Variants in MMRN2 observed in about 807,000 individuals in gnomAD.
MMRN2 encodes the protein multimerin 2.
In MMRN2, 53 loss-of-function variants were observed where a neutral mutation model predicts 68.8. That is an observed-to-expected ratio of 0.77 (90% confidence interval 0.62 to 0.97). The LOEUF (loss-of-function observed/expected upper bound fraction) is 0.97, where lower values mean the gene tolerates loss of function less well. Among genes scored for constraint, MMRN2 ranks in the 50% least tolerant of loss-of-function variants. The pLI, the probability that MMRN2 is intolerant of heterozygous loss-of-function variation, is 0.00. For synonymous variants in MMRN2, 564 were observed against 551.6 expected, an observed-to-expected ratio of 1.02 and a Z score of -0.32; for missense variants, 1,266 against 1,259.5, an observed-to-expected ratio of 1.01 and a Z score of -0.08.
rs745861186 is a variant in MMRN2, at chr10:86,945,201, G to A, written c.468C>T (p.Val156=). Residue 156 remains valine (V), a synonymous_variant, in exon 4 of 7, where the codon GTC becomes GTT. Transcript: ENST00000372027. ...AAAGCAACACACCAGGTTTGAAGCT[G>A]ACTGGTCCATCCTGAGGTTCCTGGT... The part of the protein sequence containing the change: ...DSHQEPQDGP[V]SFKPGHLAAV... 16 of 1,613,786 alleles carry A rather than the reference G, an allele frequency of 9.9e-6. No individual in the cohort carries two copies. Among genetic ancestry groups the A allele is most frequent in the Admixed American group, 6.7e-5 (4 of 60,030 alleles).
intron 6 of MMRN2, among the ~76,000 whole-genome samples, chr10:86,939,210 T>TC (rs1190048305): frequency 3.3e-4 from 48 of 145,892 alleles, no homozygotes; most frequent in African/African-American, 9.9e-4. Context: ...ACGCCTGTAA[T>TC]CCCAGCACTT....
chr10:86,942,506 C>T lies in MMRN2; in HGVS notation c.2278G>A (p.Gly760Arg). ...AGGCTGACGTTGGCTTCCATGAGCC[C>T]TTGGAAGTTCCCAAAGAGGCTGTGG... ...LFHSLFGNFQ[G>R]LMEANVSLDL... is the part of the protein sequence containing the mutation. Residue 760 changes from glycine (G) to arginine (R), a missense_variant, in exon 6 of 7, where the codon GGG becomes AGG. Gly to Arg is a moderately radical substitution (Grantham distance 125, BLOSUM62 -2). Transcript: ENST00000372027. 6.2e-7 allele frequency: 1 copy of T among 1,614,010 alleles called. No individual in the cohort carries two copies. The highest frequency in any genetic ancestry group is 8.5e-7 in the Non-Finnish European group (1 of 1,180,012).
rs911565572 is a variant in MMRN2, at chr10:86,937,379, A to AT, written c.2468-255dup. Among the ~76,000 whole-genome samples, 98 of 148,546 alleles carry AT rather than the reference A, an allele frequency of 6.6e-4. 1 individual carries two copies. The highest frequency in any genetic ancestry group is 4.5e-3 in the East Asian group (23 of 5,082). On this transcript the variant is annotated intron_variant, in intron 6 of 6. Coordinates refer to ENST00000372027, the MANE Select transcript of MMRN2 (RefSeq NM_024756.3). ...GTGTACATTTTAACAAAATACTTTC[A>AT]TTTTTTTTTTAGACAGGGACTCACT... is the stretch of plus-strand genomic sequence containing the variant.
In MMRN2 at chr10:86,944,242, C is replaced by A; in HGVS notation, c.655+20G>T. On this transcript the variant is annotated intron_variant, in intron 5 of 6. Coordinates refer to ENST00000372027, the MANE Select transcript of MMRN2 (RefSeq NM_024756.3). ...CAATGTGACCAGGCTCTTCCTCAGC[C>A]CCTAGAGCCTGCCACTCACCGTGCC... 6.3e-7 allele frequency: 1 copy of A among 1,599,600 alleles called. No individual in the cohort carries two copies. Among genetic ancestry groups the A allele is most frequent in the South Asian group, 1.1e-5 (1 of 89,778 alleles).
At chr10:86,940,693 C>G (rs1240410152) in intron 6 of MMRN2, among the ~76,000 whole-genome samples, 1 of 152,232 alleles carries the variant, frequency 6.6e-6, no homozygotes, top group African/African-American at 2.4e-5. Flanking sequence ...GGAGGGTCAG[C>G]TGGGGCAGGG....
chr10:86,955,652 C>A (rs1844211389), intron 1 of MMRN2, among the ~76,000 whole-genome samples: 1 of 152,216 alleles, frequency 6.6e-6, no homozygotes, highest in Non-Finnish European at 1.5e-5. Flanking sequence ...GGGTCTGGAG[C>A]ACGCTTCCAC....
chr10:86,939,839 TTGTGTGTG>T (rs1179394300), intron 6 of MMRN2, among the ~76,000 whole-genome samples: 2 of 120,290 alleles, frequency 1.7e-5, no homozygotes, highest in Non-Finnish European at 3.8e-5. Context: ...GTGTGTGTGT[TTGTGTGTG>T]TGTGTGTGTG....
At chr10:86,944,610 C>T in intron 4 of MMRN2, 175 bp from the exon 5 acceptor site, 2 of 617,844 alleles carry the variant, frequency 3.2e-6, no homozygotes, top group African/African-American at 1.8e-5. Context: ...CAAGTGAGCC[C>T]TCACCCTGCC....
chr10:86,944,394 C>G lies in MMRN2; in HGVS notation c.523G>C (p.Glu175Gln). The G allele has an allele frequency of 1.2e-6, 2 of 1,613,948 alleles. No individual in the cohort carries two copies. Among genetic ancestry groups the G allele is most frequent in the Non-Finnish European group, 1.7e-6 (2 of 1,180,014 alleles). ...AVINEVEVQQ[E>Q]QQEHLLGDLQ... ...TCTCCCAGCAGATGTTCCTGCTGTTCCTGTTGCACCTCAACCTCATTGATC... is the reference window on the plus strand; with the variant it reads ...TCTCCCAGCAGATGTTCCTGCTGTTGCTGTTGCACCTCAACCTCATTGATC... Residue 175 changes from glutamate to glutamine, a missense_variant, in exon 5 of 7, where the codon GAA becomes CAA. By Grantham distance (29) the Glu-to-Gln change is conservative. Transcript: ENST00000372027.
Position 86,944,047 on chromosome 10 carries a change from C to A in MMRN2, c.737G>T (p.Arg246Met). ...GCTGTGCAGGCTTTGGTTAAAGCTC[C>A]TCCAGATGGGGCTGAAATGCACTTG... ...FLQVHFSPIW[R>M]SFNQSLHSLT... The change falls in exon 6 of 7, where the codon AGG (arginine) becomes ATG (methionine). Residue 246 changes from arginine to methionine, a missense_variant. Arg to Met is a moderately conservative substitution (Grantham distance 91). Coordinates refer to ENST00000372027, the MANE Select transcript of MMRN2 (RefSeq NM_024756.3). 1 of 1,614,158 alleles carries A rather than the reference C, an allele frequency of 6.2e-7. No individual in the cohort carries two copies.
Position 86,942,821 on chromosome 10 carries a change from A to G in MMRN2, c.1963T>C (p.Trp655Arg). 1 of 1,363,864 alleles carries G rather than the reference A, an allele frequency of 7.3e-7. No individual in the cohort carries two copies. Among genetic ancestry groups the G allele is most frequent in the Non-Finnish European group, 9.4e-7 (1 of 1,059,874 alleles). The allele number at this position is 1,363,864 out of a possible 1,614,324, so 84.5% of individuals were successfully genotyped here. A position where few individuals can be genotyped will look rare whatever the true frequency, so the allele number is the denominator to read the frequency against. The change falls in exon 6 of 7, where the codon TGG (tryptophan) becomes CGG (arginine). Residue 655 changes from tryptophan (W) to arginine (R), a missense_variant. Transcript: ENST00000372027. Reference sequence around the variant, plus strand: ...GTCACTCGGGCGGCCAGCTCGTCCCAGCCGAGCGCCTGCTCCTGCAGCCCG... The same window carrying G: ...GTCACTCGGGCGGCCAGCTCGTCCCGGCCGAGCGCCTGCTCCTGCAGCCCG... ...ASGLQEQALG[W>R]DELAARVTAL...
intron 1 of MMRN2, chr10:86,949,176 C>T (rs899634195): frequency 1.3e-5 from 2 of 152,156 alleles, no homozygotes; most frequent in Non-Finnish European, 2.9e-5. Context: ...CTTTGAACCT[C>T]TCAACAGCAA....
At chr10:86,944,748 A>G (rs571495878) in intron 4 of MMRN2, among the ~76,000 whole-genome samples, 36 of 151,864 alleles carry the variant, frequency 2.4e-4, no homozygotes, top group Admixed American at 6.6e-4. Flanking sequence ...AATGAAACTC[A>G]TTTACTTTCT....
intron 1 of MMRN2, 45 bp from the exon 2 acceptor site, chr10:86,945,734 T>C (rs1844057815): frequency 1.2e-6 from 2 of 1,612,610 alleles, no homozygotes; most frequent in Non-Finnish European, 1.7e-6. Context: ...CACACCCAGG[T>C]CAACAGGGGG....
At chr10:86,948,120 G>A (rs1020057906) in intron 1 of MMRN2, among the ~76,000 whole-genome samples, 4 of 151,976 alleles carry the variant, frequency 2.6e-5, no homozygotes, top group African/African-American at 9.7e-5. Context: ...CAGCTATTCA[G>A]GAGGCTGAGG....
At position 86,943,167 on chromosome 10, in the gene MMRN2, G is replaced by A. The variant is rs1166816661; in HGVS notation, c.1617C>T (p.Ala539=). The stretch of plus-strand genomic sequence containing the variant: ...CCACGGCCAGCGACACGGCGTCCAC[G>A]GCGTTCTGCAGGGCCTGCAGGGAGG... ...DGSSLQALQN[A]VDAVSLAVDA... Residue 539 remains alanine (A), a synonymous_variant, in exon 6 of 7, where the codon GCC becomes GCT. Transcript: ENST00000372027. This position sits in a 1 kb window ranked among gnomAD's most constrained non-coding sequence, Gnocchi z 4.2. The A allele has an allele frequency of 7.5e-6, 12 of 1,604,992 alleles. No homozygotes were observed. The East Asian group carries it at 9.0e-5, about 12-fold the overall frequency.
Position 86,944,034 on chromosome 10 carries a change from T to A in MMRN2, c.750A>T (p.Gln250His). 1 of 1,614,044 alleles carries A rather than the reference T, an allele frequency of 6.2e-7. No individual in the cohort carries two copies. The highest frequency in any genetic ancestry group is 8.5e-7 in the Non-Finnish European group (1 of 1,180,012). The part of the protein sequence containing the change: ...HFSPIWRSFN[Q>H]SLHSLTQAIR... ...TGGCCTGGGTAAGGCTGTGCAGGCTTTGGTTAAAGCTCCTCCAGATGGGGC... is the reference window on the plus strand; with the variant it reads ...TGGCCTGGGTAAGGCTGTGCAGGCTATGGTTAAAGCTCCTCCAGATGGGGC... The change falls in exon 6 of 7, where the codon CAA becomes CAT. Residue 250 changes from glutamine to histidine, a missense_variant. Gln to His is a conservative substitution (Grantham distance 24, BLOSUM62 0). Transcript: ENST00000372027.
chr10:86,945,340 AG>A, intron 3 of MMRN2, 29 bp downstream of exon 3: 1 of 1,605,414 alleles, frequency 6.2e-7, no homozygotes, highest in Non-Finnish European at 8.5e-7. Context: ...TCAGAGGTCA[AG>A]GGGGGAAGGG....
rs1427640032 is a variant in MMRN2, at chr10:86,957,408, G to C, written c.134C>G (p.Ala45Gly). Reference protein sequence around the residue: ...SRTPGVWKAEAEDTGKDPVGR... With the variant: ...SRTPGVWKAEGEDTGKDPVGR... ...TACGGGGTCCTTGCCGGTGTCCTCA[G>C]CCTCTGCCTTCCAGACCCCAGGTGT... The change falls in exon 1 of 7, where the codon GCT becomes GGT. Residue 45 changes from alanine to glycine, a missense_variant. Coordinates refer to ENST00000372027, the MANE Select transcript of MMRN2 (RefSeq NM_024756.3). The C allele has an allele frequency of 1.9e-6, 3 of 1,613,500 alleles. No individual in the cohort carries two copies. The highest frequency in any genetic ancestry group is 1.3e-5 in the African/African-American group (1 of 74,930).
Sources: allele counts gnomAD v4.1 joint callset (sites outside exome capture counted in the v4.1 genomes callset), GRCh38; gene constraint gnomAD v4.1.1; non-coding constraint Gnocchi (gnomAD v3.1); transcripts MANE v1.5; gene names NCBI Gene and HGNC (gene_info 2026-07-23, HGNC 2026-07-21).